Variants in CPA6 observed in about 807,000 individuals in gnomAD.
CPA6 encodes carboxypeptidase B.
In CPA6, 58 loss-of-function variants were observed where a neutral mutation model predicts 63.3. The ratio of observed to expected loss-of-function variants is 0.92; its 90% confidence interval spans 0.74 to 1.14. The LOEUF is 1.14. Among genes scored for constraint, CPA6 ranks in the 50% most tolerant of loss-of-function variants. CPA6 has a pLI of 0.00. For synonymous variants in CPA6, 185 were observed against 179.0 expected (o/e 1.03, Z -0.27); for missense variants, 565 against 526.6 (o/e 1.07, Z -0.71).
intron 1 of CPA6, among the ~76,000 whole-genome samples, chr8:67,664,706 T>G (rs1816190378): frequency 6.6e-6 from 1 of 152,066 alleles, no homozygotes; most frequent in Admixed American, 6.5e-5. Flanking sequence ...GGGCCTCAAA[T>G]TTCCCAGTCA....
chr8:67,506,935 A>C (rs1486132636), intron 5 of CPA6, 47 bp from the exon 6 acceptor site: 2 of 1,259,378 alleles, frequency 1.6e-6, no homozygotes, highest in East Asian at 4.6e-5. Context: ...TTTTAGATTC[A>C]CTGACCAGCA....
At chr8:67,600,693 C>T (rs1406743209) in intron 2 of CPA6, among the ~76,000 whole-genome samples, 1 of 152,096 alleles carries the variant, frequency 6.6e-6, no homozygotes, top group East Asian at 1.9e-4. Flanking sequence ...CAAATGGTGT[C>T]TTGTGTTAAA....
At chr8:67,584,281 G>A (rs1813862593) in intron 2 of CPA6, among the ~76,000 whole-genome samples, 1 of 152,196 alleles carries the variant, frequency 6.6e-6, no homozygotes, top group Non-Finnish European at 1.5e-5. Flanking sequence ...GTAAGTGCAA[G>A]TGTGCCGATA....
intron 1 of CPA6, among the ~76,000 whole-genome samples, chr8:67,672,288 T>C (rs753189416): frequency 6.6e-5 from 10 of 152,244 alleles, no homozygotes; most frequent in Admixed American, 2.6e-4. Flanking sequence ...TTTTATATCA[T>C]AGTTTTGTCT....
chr8:67,504,482 T>G (rs184586244), intron 6 of CPA6, among the ~76,000 whole-genome samples: 45 of 152,330 alleles, frequency 3.0e-4, no homozygotes, highest in African/African-American at 1.0e-3. Context: ...GCCTGTTTTC[T>G]CTTGCTTTCT....
At chr8:67,645,449 T>C (rs967259879) in intron 1 of CPA6, among the ~76,000 whole-genome samples, 4 of 152,324 alleles carry the variant, frequency 2.6e-5, no homozygotes, top group East Asian at 1.9e-4. Flanking sequence ...TTGTATCTTA[T>C]CTACTGGCAT....
intron 2 of CPA6, among the ~76,000 whole-genome samples, chr8:67,594,215 A>G (rs985324197): frequency 1.3e-5 from 2 of 151,868 alleles, no homozygotes; most frequent in East Asian, 1.9e-4. Flanking sequence ...ATTGGCCCCC[A>G]CTCTCTTCTG....
chr8:67,523,441 A>G (rs956050760), intron 2 of CPA6, among the ~76,000 whole-genome samples: 1 of 152,158 alleles, frequency 6.6e-6, no homozygotes, highest in Non-Finnish European at 1.5e-5. Flanking sequence ...AGGCAGGAGA[A>G]TAGTGTGAAC....
chr8:67,652,741 T>G (rs949392584), intron 1 of CPA6, among the ~76,000 whole-genome samples: 77 of 151,982 alleles, frequency 5.1e-4, no homozygotes, highest in Middle Eastern at 3.4e-3. Context: ...CTCTTTAGTT[T>G]AATTAGATCC....
intron 2 of CPA6, among the ~76,000 whole-genome samples, chr8:67,606,709 T>C (rs72657248): frequency 0.12 from 18,701 of 152,208 alleles, 1,303 homozygotes; most frequent in Middle Eastern, 0.19. Flanking sequence ...AGGTCCTTGG[T>C]TGGACCCAGC....
chr8:67,434,256 G>C lies in CPA6; in HGVS notation c.839-16C>G. On this transcript the variant is annotated splice_polypyrimidine_tract_variant and intron_variant, in intron 8 of 10. Transcript: ENST00000297770. ...GCTCCTTCATCTGCAAGTCAGAAAA[G>C]AAAATGGGGTAAGGAAGTGGGCAGG... is the stretch of plus-strand genomic sequence containing the variant. 6.2e-7 allele frequency: 1 copy of C among 1,606,030 alleles called. No individual in the cohort carries two copies. The highest frequency in any genetic ancestry group is 8.5e-7 in the Non-Finnish European group (1 of 1,173,102).
At chr8:67,463,219 G>A (rs891725863) in intron 8 of CPA6, among the ~76,000 whole-genome samples, 1 of 152,002 alleles carries the variant, frequency 6.6e-6, no homozygotes, top group Non-Finnish European at 1.5e-5. Flanking sequence ...CGAGGCGGGC[G>A]GATCACTTGA....
chr8:67,480,429 G>T (rs1005706435), intron 8 of CPA6, among the ~76,000 whole-genome samples: 5 of 151,934 alleles, frequency 3.3e-5, no homozygotes, highest in Non-Finnish European at 5.9e-5. Context: ...CATTTCATTT[G>T]CTCTTTTGTG....
chr8:67,483,994 G>A (rs1811417402), intron 7 of CPA6, 136 bp from the exon 8 acceptor site: 1 of 708,560 alleles, frequency 1.4e-6, no homozygotes, highest in Admixed American at 2.4e-5. Context: ...CCCAGGGAGT[G>A]AAAAAGAGCA....
chr8:67,730,383 C>T (rs1417741828), intron 1 of CPA6, among the ~76,000 whole-genome samples: 1 of 152,194 alleles, frequency 6.6e-6, no homozygotes, highest in East Asian at 1.9e-4. Context: ...CTTCCAGACC[C>T]TCTGTGGGGA....
At chr8:67,461,603 A>G (rs28399701) in intron 8 of CPA6, among the ~76,000 whole-genome samples, 48 of 152,314 alleles carry the variant, frequency 3.2e-4, no homozygotes, top group Admixed American at 9.8e-4. Flanking sequence ...GGTGGTGGCC[A>G]GGCAGAGGGT....
At chr8:67,485,315 A>G (rs1266784961) in intron 6 of CPA6, among the ~76,000 whole-genome samples, 1 of 152,096 alleles carries the variant, frequency 6.6e-6, no homozygotes, top group African/African-American at 2.4e-5. Flanking sequence ...TTATGAACAA[A>G]AACTCCCTTT....
chr8:67,568,254 A>G (rs541800253), intron 2 of CPA6, among the ~76,000 whole-genome samples: 1 of 152,218 alleles, frequency 6.6e-6, no homozygotes, highest in Non-Finnish European at 1.5e-5. Context: ...AAGATTTAGG[A>G]AATCATGATA....
chr8:67,725,473 T>C (rs929212153), intron 1 of CPA6, among the ~76,000 whole-genome samples: 1 of 152,224 alleles, frequency 6.6e-6, no homozygotes, highest in African/African-American at 2.4e-5. Flanking sequence ...TCAATCTCCA[T>C]AGACTTTAAG....
Sources: allele counts gnomAD v4.1 joint callset (sites outside exome capture counted in the v4.1 genomes callset), GRCh38; gene constraint gnomAD v4.1.1; transcripts MANE v1.5; gene names NCBI Gene and HGNC (gene_info 2026-07-23, HGNC 2026-07-21).